Variants in CBLB observed in about 807,000 individuals in gnomAD.
The protein encoded by CBLB is Cbl proto-oncogene B.
Under a neutral mutation model 104.9 loss-of-function variants are expected in CBLB, and 31 were observed. The observed-to-expected ratio is 0.30, with a 90% CI of 0.22 to 0.40. The LOEUF is 0.40. Among genes scored for constraint, CBLB ranks in the 10% least tolerant of loss-of-function variants. The pLI is 1.00. For missense variants in CBLB, 1,062 were observed against 1,214.6 expected (o/e 0.87, Z 1.87); for synonymous variants, 440 against 422.6 (o/e 1.04, Z -0.51).
At chr3:105,686,726 G>A (rs1217857745) in intron 13 of CBLB, among the ~76,000 whole-genome samples, 1 of 152,022 alleles carries the variant, frequency 6.6e-6, no homozygotes, top group Non-Finnish European at 1.5e-5. Flanking sequence ...TTTTTCAAGT[G>A]TATGTTTATT....
intron 14 of CBLB, 25 bp downstream of exon 14, chr3:105,685,294 TG>T (rs2066869415): frequency 6.3e-7 from 1 of 1,599,560 alleles, no homozygotes; most frequent in Admixed American, 1.7e-5. Flanking sequence ...CAGATGTAAG[TG>T]GCAAAAATCT....
chr3:105,702,064 T>G (rs375370740), intron 12 of CBLB, 30 bp downstream of exon 12: 47 of 1,612,532 alleles, frequency 2.9e-5, no homozygotes, highest in Non-Finnish European at 3.9e-5. Flanking sequence ...ATAAGCAGAT[T>G]CTCTAGCTTC....
At chr3:105,862,121 A>G (rs2092141586) in intron 2 of CBLB, among the ~76,000 whole-genome samples, 1 of 152,122 alleles carries the variant, frequency 6.6e-6, no homozygotes, top group African/African-American at 2.4e-5. Context: ...CAATTATCTG[A>G]CTTTTTCTCT....
chr3:105,772,629 C>G (rs991222519), intron 4 of CBLB, among the ~76,000 whole-genome samples: 1 of 152,130 alleles, frequency 6.6e-6, no homozygotes, highest in Admixed American at 6.5e-5. Flanking sequence ...TGACAACGGA[C>G]TAGTATCTAG....
At chr3:105,666,669 G>C (rs544487002) in intron 18 of CBLB, among the ~76,000 whole-genome samples, 2 of 152,216 alleles carry the variant, frequency 1.3e-5, no homozygotes, top group South Asian at 4.2e-4. Flanking sequence ...CTGGGCGACA[G>C]AGCGAGACTC....
intron 3 of CBLB, among the ~76,000 whole-genome samples, chr3:105,794,386 T>C (rs2082024567): frequency 6.6e-6 from 1 of 152,226 alleles, no homozygotes; most frequent in African/African-American, 2.4e-5. Context: ...AATCTGACAT[T>C]AACCTTACGG....
intron 3 of CBLB, among the ~76,000 whole-genome samples, chr3:105,827,445 T>C (rs934836106): frequency 2.6e-5 from 4 of 152,146 alleles, no homozygotes; most frequent in African/African-American, 9.7e-5. Context: ...CATTACAATA[T>C]AAACTCATAA....
chr3:105,827,531 T>C (rs2086781360), intron 3 of CBLB, among the ~76,000 whole-genome samples: 2 of 152,142 alleles, frequency 1.3e-5, no homozygotes, highest in Non-Finnish European at 2.9e-5. Flanking sequence ...GCCAGGAACC[T>C]GGTCTCTGTT....
intron 18 of CBLB, among the ~76,000 whole-genome samples, chr3:105,662,272 C>T (rs1001894750): frequency 4.5e-4 from 68 of 152,194 alleles, no homozygotes; most frequent in African/African-American, 1.4e-3. Context: ...TTAGCACTTT[C>T]GAATGTGTAG....
intron 3 of CBLB, among the ~76,000 whole-genome samples, chr3:105,841,669 G>A (rs937438536): frequency 6.6e-6 from 1 of 151,948 alleles, no homozygotes; most frequent in Non-Finnish European, 1.5e-5. Flanking sequence ...TAGCCAGGAT[G>A]GTCTCGATCT....
chr3:105,784,268 A>C (rs889356740), intron 3 of CBLB, among the ~76,000 whole-genome samples: 7 of 152,236 alleles, frequency 4.6e-5, no homozygotes, highest in African/African-American at 1.7e-4. Context: ...CCATTCTTTC[A>C]TTCCTTTACG....
At chr3:105,868,460 G>A (rs565630815) in intron 1 of CBLB, 4 of 360,078 alleles carry the variant, frequency 1.1e-5, no homozygotes, top group African/African-American at 8.3e-5. Context: ...CGTCCGTCTA[G>A]GGCGCGGGAG....
At chr3:105,805,302 ATTTTTT>A (rs1221623767) in intron 3 of CBLB, among the ~76,000 whole-genome samples, 2 of 138,612 alleles carry the variant, frequency 1.4e-5, no homozygotes, top group African/African-American at 5.4e-5. Flanking sequence ...ATGGCCCCCA[ATTTTTT>A]TTTTTTTTTT....
intron 4 of CBLB, among the ~76,000 whole-genome samples, chr3:105,773,057 A>G (rs1159405811): frequency 6.6e-6 from 1 of 152,212 alleles, no homozygotes; most frequent in African/African-American, 2.4e-5. Context: ...AAGGAAAAGA[A>G]GTCATTATAT....
intron 9 of CBLB, among the ~76,000 whole-genome samples, chr3:105,732,369 G>A (rs536580705): frequency 1.3e-5 from 2 of 152,286 alleles, no homozygotes; most frequent in East Asian, 3.9e-4. Context: ...TATCTATGTT[G>A]AGAATGATCT....
chr3:105,852,340 T>G (rs868551740), intron 3 of CBLB, among the ~76,000 whole-genome samples: 13 of 152,324 alleles, frequency 8.5e-5, no homozygotes, highest in Admixed American at 5.2e-4. Flanking sequence ...ATCCTGACAC[T>G]GTGCAGGCCT....
At chr3:105,693,967 T>C (rs1372553230) in intron 12 of CBLB, among the ~76,000 whole-genome samples, 2 of 152,000 alleles carry the variant, frequency 1.3e-5, no homozygotes, top group African/African-American at 2.4e-5. Context: ...CTGATGTTAT[T>C]CTTTTTTTAA....
chr3:105,702,955 G>A (rs912572864), intron 11 of CBLB, among the ~76,000 whole-genome samples: 3 of 151,936 alleles, frequency 2.0e-5, no homozygotes, highest in Non-Finnish European at 4.4e-5. Context: ...TGATATGGGG[G>A]CAAATGTGCT....
chr3:105,668,546 T>C (rs971892578), intron 18 of CBLB, among the ~76,000 whole-genome samples: 1 of 152,198 alleles, frequency 6.6e-6, no homozygotes, highest in African/African-American at 2.4e-5. Context: ...CCTTATATTA[T>C]ATAGAAGCTG....
Sources: allele counts gnomAD v4.1 joint callset (sites outside exome capture counted in the v4.1 genomes callset), GRCh38; gene constraint gnomAD v4.1.1; transcripts MANE v1.5; gene names NCBI Gene and HGNC (gene_info 2026-07-23, HGNC 2026-07-21).